Variants in PRKN observed in about 807,000 individuals in gnomAD.
PRKN encodes E3 ubiquitin-protein ligase parkin.
PRKN carries 56 observed loss-of-function variants against 59.5 expected under a neutral mutation model. The observed-to-expected ratio is 0.94, with a 90% confidence interval of 0.76 to 1.18. The LOEUF (loss-of-function observed/expected upper bound fraction) is 1.18, where lower values mean the gene tolerates loss of function less well. PRKN is among the 50% of genes most tolerant of loss of function. The pLI is 0.00. For missense variants in PRKN, 657 were observed against 596.4 expected (o/e 1.10, Z -1.06); for synonymous variants, 250 against 222.1 (o/e 1.13, Z -1.12).
intron 7 of PRKN, among the ~76,000 whole-genome samples, chr6:161,636,268 G>A (rs1479647547): frequency 1.3e-5 from 2 of 152,244 alleles, no homozygotes; most frequent in African/African-American, 4.8e-5. Flanking sequence ...TGCAGGATGT[G>A]CATATTTGTC....
chr6:161,874,735 C>CAA (rs1386947872), intron 6 of PRKN, among the ~76,000 whole-genome samples: 1,799 of 47,512 alleles, frequency 0.038, 145 homozygotes, highest in African/African-American at 0.13. Flanking sequence ...ATAAAATGTA[C>CAA]TATATATAAA....
At position 161,541,698 on chromosome 6, in the gene PRKN, G is replaced by A. The variant is rs374106737; in HGVS notation, c.1083+7156C>T. ...TAGCTGGGCGTAGTGGCACGTGCCT[G>A]TAATCCCAGCTACTCAGGAGGCTGA... On this transcript the variant is annotated intron_variant, in intron 9 of 11. Coordinates refer to ENST00000366898, the MANE Select transcript of PRKN (RefSeq NM_004562.3). Among the ~76,000 whole-genome samples, 21 of 152,202 alleles carry A rather than the reference G, an allele frequency of 1.4e-4. 1 individual carries two copies. In the South Asian group the frequency reaches 3.1e-3, roughly 23 times the overall value.
rs1301076362 is a variant in PRKN, at chr6:161,457,827, AG to A, written c.1084-70951del. On this transcript the variant is annotated intron_variant, in intron 9 of 11. Transcript: ENST00000366898. The surrounding 1 kb of genome is among the most constrained non-coding windows in gnomAD (Gnocchi z 5.0). ...TGTGATAAGAAGTCCAACATTTTGT[AG>A]ATGACCGCACATGTAAGTTAAAGAA... 2.6e-5 allele frequency among the ~76,000 whole-genome samples: 4 copies of A among 152,250 alleles called. No homozygotes were observed. The highest frequency in any genetic ancestry group is 9.6e-5 in the African/African-American group (4 of 41,472).
chr6:162,436,151 AGGCGAC>A (rs1562763156), intron 2 of PRKN, among the ~76,000 whole-genome samples: 8 of 124,594 alleles, frequency 6.4e-5, no homozygotes, highest in Non-Finnish European at 1.3e-4. Context: ...ACTCCAGCCT[AGGCGAC>A]AGAGTAAGAC....
chr6:162,309,053 T>C (rs1013143527), intron 2 of PRKN, among the ~76,000 whole-genome samples: 4 of 152,176 alleles, frequency 2.6e-5, no homozygotes, highest in Admixed American at 1.3e-4. Context: ...TCTCAGAGAC[T>C]GGCTTCAGAA....
intron 9 of PRKN, among the ~76,000 whole-genome samples, chr6:161,479,351 AAAGAT>A (rs768346945): frequency 1.3e-5 from 2 of 152,236 alleles, no homozygotes; most frequent in East Asian, 3.8e-4. Context: ...AAATGCCTAG[AAAGAT>A]AAGTAATAAT....
chr6:162,653,356 GTC>G (rs981083247), intron 1 of PRKN, among the ~76,000 whole-genome samples: 8 of 151,980 alleles, frequency 5.3e-5, no homozygotes, highest in African/African-American at 1.9e-4. Context: ...CTGTGTGTGT[GTC>G]TCTGTGTGTA....
At chr6:161,660,388 C>T (rs981724599) in intron 7 of PRKN, among the ~76,000 whole-genome samples, 10 of 152,134 alleles carry the variant, frequency 6.6e-5, no homozygotes, top group East Asian at 5.8e-4. Flanking sequence ...GGGATGAATA[C>T]GGTAGTTACG....
chr6:161,662,034 C>CG (rs1784567978), intron 7 of PRKN, among the ~76,000 whole-genome samples: 1 of 151,598 alleles, frequency 6.6e-6, no homozygotes, highest in African/African-American at 2.4e-5. Context: ...AACAAACAAA[C>CG]AAAAAAACCA....
At chr6:162,605,553 T>C (rs1294765220) in intron 1 of PRKN, among the ~76,000 whole-genome samples, 1 of 152,152 alleles carries the variant, frequency 6.6e-6, no homozygotes. Flanking sequence ...TAAAGACAAC[T>C]GTGTAAGTGA....
At chr6:162,095,487 ATTATT>A (rs952369425) in intron 4 of PRKN, among the ~76,000 whole-genome samples, 1 of 151,902 alleles carries the variant, frequency 6.6e-6, no homozygotes, top group Non-Finnish European at 1.5e-5. Context: ...GGAGAGATTA[ATTATT>A]TTATTTTTAT....
At chr6:162,406,840 C>T (rs758548223) in intron 2 of PRKN, among the ~76,000 whole-genome samples, 4 of 152,108 alleles carry the variant, frequency 2.6e-5, no homozygotes, top group Admixed American at 1.3e-4. Context: ...CAGATAACAT[C>T]CTCACTCTCC....
chr6:162,312,944 A>T (rs1268925051), intron 2 of PRKN, among the ~76,000 whole-genome samples: 1 of 152,162 alleles, frequency 6.6e-6, no homozygotes, highest in African/African-American at 2.4e-5. Flanking sequence ...ATGCCAGAAG[A>T]AAATATAATT....
chr6:162,415,399 A>C (rs547942389), intron 2 of PRKN, among the ~76,000 whole-genome samples: 1 of 152,336 alleles, frequency 6.6e-6, no homozygotes, highest in African/African-American at 2.4e-5. Flanking sequence ...AAATTGCCAA[A>C]TCTTCAAAAG....
intron 6 of PRKN, among the ~76,000 whole-genome samples, chr6:161,871,308 A>G (rs1794332969): frequency 6.6e-6 from 1 of 152,082 alleles, no homozygotes; most frequent in African/African-American, 2.4e-5. Context: ...GAGAAAAACC[A>G]TATGGTACTT....
intron 2 of PRKN, among the ~76,000 whole-genome samples, chr6:162,278,693 G>T (rs1248116801): frequency 2.6e-5 from 4 of 152,116 alleles, no homozygotes; most frequent in Admixed American, 2.0e-4. Context: ...TCATTGTATC[G>T]ATGTTAAATT....
At chr6:161,757,941 A>G (rs1213302962) in intron 7 of PRKN, among the ~76,000 whole-genome samples, 9 of 136,442 alleles carry the variant, frequency 6.6e-5, no homozygotes, top group African/African-American at 2.4e-4. Flanking sequence ...CTGTATATAT[A>G]TGTATATATA....
chr6:162,045,201 G>A (rs1562481014), intron 5 of PRKN, among the ~76,000 whole-genome samples: 1 of 152,172 alleles, frequency 6.6e-6, no homozygotes, highest in Non-Finnish European at 1.5e-5. Flanking sequence ...TCTGCATAGT[G>A]ACTAGCACAA....
At position 162,180,746 on chromosome 6, in the gene PRKN, G is replaced by A. The variant is rs184682393; in HGVS notation, c.534+20385C>T. Among the ~76,000 whole-genome samples, 188 of 152,184 alleles carry A rather than the reference G, an allele frequency of 1.2e-3. 3 individuals are homozygous for A. Among genetic ancestry groups the A allele is most frequent in the African/African-American group, 4.3e-3 (178 of 41,524 alleles). On this transcript the variant is annotated intron_variant, in intron 4 of 11. Coordinates refer to ENST00000366898, the MANE Select transcript of PRKN (RefSeq NM_004562.3). ...AACTGAGTTAACCAATATATACATA[G>A]CCTAATTAGCTTTCAAGTTGGCTTT...
Sources: gnomAD v4.1 joint callset for allele counts (sites outside exome capture counted in the v4.1 genomes callset) on GRCh38, gnomAD v4.1.1 for gene constraint, Gnocchi (gnomAD v3.1) non-coding constraint, MANE v1.5 for transcripts, NCBI Gene and HGNC (gene_info 2026-07-23, HGNC 2026-07-21) for gene names.